The following FGFR2 variants were observed in gnomAD, a reference collection of about 807,000 sequenced individuals.
FGFR2 encodes the protein fibroblast growth factor receptor 2, also known as BEK fibroblast growth factor receptor.
FGFR2 carries 19 observed loss-of-function variants against 95.9 expected under a neutral mutation model. The ratio of observed to expected loss-of-function variants is 0.20; its 90% CI spans 0.14 to 0.29. The LOEUF is 0.29. Among genes scored for constraint, FGFR2 ranks in the 10% least tolerant of loss-of-function variants. The pLI, the probability that FGFR2 is intolerant of heterozygous loss-of-function variation, is 1.00. For synonymous variants in FGFR2, 392 were observed against 393.3 expected, an observed-to-expected ratio of 1.00 and a Z score of 0.04; for missense variants, 707 against 1,056.9, an observed-to-expected ratio of 0.67 and a Z score of 4.59.
chr10:121,524,658 G>A (rs183127226), intron 6 of FGFR2, among the ~76,000 whole-genome samples: 87 of 152,312 alleles, frequency 5.7e-4, no homozygotes, highest in African/African-American at 1.5e-3. Flanking sequence ...GGATGACAGC[G>A]CCTGGACTCC....
intron 13 of FGFR2, among the ~76,000 whole-genome samples, chr10:121,490,311 CCCA>C (rs538356056): frequency 1.2e-3 from 176 of 152,054 alleles, no homozygotes; most frequent in African/African-American, 3.4e-3. Context: ...ATTGCAGGTG[CCCA>C]CCACCACATC....
intron 6 of FGFR2, among the ~76,000 whole-genome samples, chr10:121,528,864 C>A (rs534877268): frequency 7.4e-4 from 112 of 152,084 alleles, no homozygotes; most frequent in Non-Finnish European, 1.3e-3. Flanking sequence ...CAGTCCCTCC[C>A]TATGAACACT....
At chr10:121,597,896 C>G (rs2135542260) in intron 1 of FGFR2, 66 bp downstream of exon 1, 1 of 388,836 alleles carries the variant, frequency 2.6e-6, no homozygotes, top group Non-Finnish European at 4.5e-6. Context: ...CCCGGCGTCC[C>G]GGGCTCCCGT....
intron 2 of FGFR2, among the ~76,000 whole-genome samples, chr10:121,592,472 T>G (rs1443112045): frequency 6.6e-6 from 1 of 152,168 alleles, no homozygotes; most frequent in Non-Finnish European, 1.5e-5. Flanking sequence ...CATCCCTCTG[T>G]GTAACGAAAA....
chr10:121,572,752 T>C (rs17614575), intron 2 of FGFR2, among the ~76,000 whole-genome samples: 14 of 152,308 alleles, frequency 9.2e-5, no homozygotes, highest in East Asian at 1.9e-4. Flanking sequence ...TGGGAGCTCA[T>C]AGGACCTCTG....
At chr10:121,556,343 C>T (rs894284797) in intron 4 of FGFR2, among the ~76,000 whole-genome samples, 3 of 151,782 alleles carry the variant, frequency 2.0e-5, no homozygotes, top group Admixed American at 1.3e-4. Context: ...GCTGGGCCTG[C>T]CCCCACCAAA....
In FGFR2 at chr10:121,479,413, A is replaced by G. The variant is rs1474869233; in HGVS notation, c.*444T>C. 4 of 361,170 alleles carry G rather than the reference A, an allele frequency of 1.1e-5. No individual in the cohort carries two copies. The highest frequency in any genetic ancestry group is 1.9e-5 in the Non-Finnish European group (4 of 209,502). 22.4% of individuals were successfully genotyped at this position (361,170 alleles called of 1,614,324 possible). On this transcript the variant is annotated 3_prime_UTR_variant, in exon 18 of 18. Coordinates refer to ENST00000358487, the MANE Select transcript of FGFR2 (RefSeq NM_000141.5). ...CATCCATTTAAAATCAATACAAAAA[A>G]TAACTCCTTGTAAATATATAATATA...
intron 4 of FGFR2, among the ~76,000 whole-genome samples, chr10:121,555,977 G>A (rs1856073318): frequency 6.6e-6 from 1 of 152,104 alleles, no homozygotes; most frequent in Non-Finnish European, 1.5e-5. Flanking sequence ...TGATAGATGT[G>A]TGCTTCCAAC....
chr10:121,554,536 AGAGACAGGG>A (rs1454298137), intron 4 of FGFR2, among the ~76,000 whole-genome samples: 16 of 133,002 alleles, frequency 1.2e-4, no homozygotes, highest in African/African-American at 4.1e-4. Context: ...TATTTTTAGT[AGAGACAGGG>A]TTTCACCGTT....
At chr10:121,555,812 T>C (rs916613015) in intron 4 of FGFR2, among the ~76,000 whole-genome samples, 5 of 152,210 alleles carry the variant, frequency 3.3e-5, no homozygotes, top group African/African-American at 1.2e-4. Flanking sequence ...TAATATTAAG[T>C]AGAATTTTAC....
chr10:121,515,297 A>C lies in FGFR2; in HGVS notation c.1107T>G (p.Ile369Met), dbSNP rs2134230637. The change falls in exon 9 of 18, where the codon ATT becomes ATG. Residue 369 changes from isoleucine to methionine, a missense_variant. By Grantham distance (10) the Ile-to-Met change is conservative (BLOSUM62 1). Coordinates refer to ENST00000358487, the MANE Select transcript of FGFR2 (RefSeq NM_000141.5). ...VLPAPGREKE[I>M]TASPDYLEIA... ...TCTCCAGGTAGTCTGGGGAAGCTGT[A>C]ATCTCCTTTTCTCTTCCAGGCGCTA... 6.2e-7 allele frequency: 1 copy of C among 1,614,118 alleles called. No homozygotes were observed. The highest frequency in any genetic ancestry group is 8.5e-7 in the Non-Finnish European group (1 of 1,180,030).
chr10:121,582,926 C>T (rs1861168674), intron 2 of FGFR2, among the ~76,000 whole-genome samples: 1 of 152,186 alleles, frequency 6.6e-6, no homozygotes. Flanking sequence ...CTAAACCAGC[C>T]TCGATTCACC....
chr10:121,532,324 A>G (rs1483963232), intron 6 of FGFR2, among the ~76,000 whole-genome samples: 2 of 152,140 alleles, frequency 1.3e-5, no homozygotes, highest in East Asian at 1.9e-4. Context: ...GTGCAGAATC[A>G]TGTCATTTAA....
At chr10:121,563,454 A>G (rs2135068778) in intron 4 of FGFR2, among the ~76,000 whole-genome samples, 1 of 152,316 alleles carries the variant, frequency 6.6e-6, no homozygotes, top group African/African-American at 2.4e-5. Context: ...CAAATTGACT[A>G]AAATCCTTTT....
At chr10:121,557,079 A>T (rs1856263916) in intron 4 of FGFR2, among the ~76,000 whole-genome samples, 1 of 152,226 alleles carries the variant, frequency 6.6e-6, no homozygotes, top group Non-Finnish European at 1.5e-5. Flanking sequence ...CCAGCCAGGC[A>T]TTCAATCAGA....
intron 5 of FGFR2, among the ~76,000 whole-genome samples, chr10:121,542,242 C>T (rs2134668661): frequency 6.6e-6 from 1 of 152,144 alleles, no homozygotes; most frequent in Middle Eastern, 3.4e-3. Flanking sequence ...AAAGTATAAG[C>T]CTGACTATAA....
In FGFR2 at chr10:121,548,245, C is replaced by CTTTTTTTTTTTTTTTTTTT. The variant is rs57061338; in HGVS notation, c.624+3026_624+3044dup. On this transcript the variant is annotated intron_variant, in intron 5 of 17. Coordinates refer to ENST00000358487, the MANE Select transcript of FGFR2 (RefSeq NM_000141.5). Reference sequence around the variant, plus strand: ...TGTGTGGCCCTCTGCCGCTTTTGGCCTTTTTTTTTTTTTTTTTTTTTTTTT... The same window carrying CTTTTTTTTTTTTTTTTTTT: ...TGTGTGGCCCTCTGCCGCTTTTGGCCTTTTTTTTTTTTTTTTTTTTTTTTTTTTTTTTTTTTTTTTTTTT... Among the ~76,000 whole-genome samples the CTTTTTTTTTTTTTTTTTTT allele has an allele frequency of 7.1e-4, 33 of 46,700 alleles. 3 individuals are homozygous for CTTTTTTTTTTTTTTTTTTT. Among genetic ancestry groups the CTTTTTTTTTTTTTTTTTTT allele is most frequent in the East Asian group, 3.2e-3 (3 of 934 alleles). 30.6% of individuals were successfully genotyped at this position (46,700 alleles called of 152,430 possible).
chr10:121,512,534 T>C (rs561575949), intron 9 of FGFR2, among the ~76,000 whole-genome samples: 4 of 152,246 alleles, frequency 2.6e-5, no homozygotes, highest in African/African-American at 9.6e-5. Context: ...TTTCTTTTTT[T>C]TCCCACTTTG....
rs1844385970 is a variant in FGFR2 at position 121,479,423 on chromosome 10, G to C, written c.*434C>G. 2.7e-6 allele frequency: 1 copy of C among 374,096 alleles called. No homozygotes were observed. Among genetic ancestry groups the C allele is most frequent in the East Asian group, 4.3e-5 (1 of 23,370 alleles). 23.2% of individuals were successfully genotyped at this position (374,096 alleles called of 1,614,324 possible). ...AAATCAATACAAAAAATAACTCCTT[G>C]TAAATATATAATATATATTTATACA... On this transcript the variant is annotated 3_prime_UTR_variant, in exon 18 of 18. Transcript: ENST00000358487.
Sources: allele counts gnomAD v4.1 joint callset (sites outside exome capture counted in the v4.1 genomes callset), GRCh38; gene constraint gnomAD v4.1.1; transcripts MANE v1.5; gene names NCBI Gene and HGNC (gene_info 2026-07-23, HGNC 2026-07-21).